CHRNB2: variants seen among roughly 807,000 people sequenced by gnomAD.
CHRNB2 encodes neuronal acetylcholine receptor subunit beta-2.
Under a neutral mutation model 42.7 loss-of-function variants are expected in CHRNB2, and 33 were observed. The ratio of observed to expected loss-of-function variants is 0.77; its 90% CI spans 0.59 to 1.03. The LOEUF (loss-of-function observed/expected upper bound fraction) is 1.03. Among genes scored for constraint, CHRNB2 ranks in the 50% least tolerant of loss-of-function variants. CHRNB2 has a pLI of 0.00. For synonymous variants in CHRNB2, 325 were observed against 292.9 expected, an observed-to-expected ratio of 1.11 and a Z score of -1.12; for missense variants, 603 against 700.9, an observed-to-expected ratio of 0.86 and a Z score of 1.58.
rs1160352089 is a variant in CHRNB2, at chr1:154,571,382, C to T, written c.559C>T (p.Leu187=). 1 of 1,614,220 alleles carries T rather than the reference C, an allele frequency of 6.2e-7. No homozygotes were observed. Among genetic ancestry groups the T allele is most frequent in the South Asian group, 1.1e-5 (1 of 91,086 alleles). ...CGACCGCACAGAGATCGACTTGGTG[C>T]TGAAGAGTGAGGTGGCCAGCCTGGA... ...TYDRTEIDLV[L]KSEVASLDDF... Residue 187 remains leucine, a synonymous_variant, in exon 5 of 6, where the codon CTG becomes TTG. Transcript: ENST00000368476. The surrounding 1 kb of genome is among the most constrained non-coding windows in gnomAD (Gnocchi z 6.8).
rs1278331586 is a variant in CHRNB2, at chr1:154,571,750, C to A, written c.927C>A (p.Thr309=). 1.2e-6 allele frequency: 2 copies of A among 1,614,112 alleles called. No homozygotes were observed. The highest frequency in any genetic ancestry group is 1.3e-5 in the African/African-American group (1 of 74,946). ...TCATGTTCACCATGGTGCTTGTCACCTTCTCCATCGTCACCAGCGTGTGCG... is the reference window on the plus strand; with the variant it reads ...TCATGTTCACCATGGTGCTTGTCACATTCTCCATCGTCACCAGCGTGTGCG... ...KYLMFTMVLV[T]FSIVTSVCVL... The change falls in exon 5 of 6, where the codon ACC becomes ACA. Residue 309 remains threonine (T), a synonymous_variant. Transcript: ENST00000368476. This position sits in a 1 kb window ranked among gnomAD's most constrained non-coding sequence, Gnocchi z 6.8.
intron 2 of CHRNB2, 73 bp downstream of exon 2, chr1:154,569,680 C>T: frequency 6.2e-7 from 1 of 1,612,438 alleles, no homozygotes; most frequent in Non-Finnish European, 8.5e-7. Context: ...TGCTTGTGTG[C>T]TTCCTCCCCT....
In CHRNB2 at chr1:154,569,470, G is replaced by A; in HGVS notation, c.73G>A (p.Gly25Ser). Residue 25 changes from glycine (G) to serine (S), a missense_variant, in exon 2 of 6, where the codon GGT becomes AGT. By Grantham distance (56) the Gly-to-Ser change is moderately conservative (BLOSUM62 0). This residue lies in a region of CHRNB2 where 333 missense variants were observed against 452.6 expected (regional missense o/e 0.74). Coordinates refer to ENST00000368476, the MANE Select transcript of CHRNB2 (RefSeq NM_000748.3). ...GCCTTTCCCCTGCCCAGGGGTGTGG[G>A]GTACGGATACAGAGGAGCGGCTGGT... ...GLLRLCSGVWGTDTEERLVEH... is the reference protein window; with the variant it reads ...GLLRLCSGVWSTDTEERLVEH... 1 of 1,613,796 alleles carries A rather than the reference G, an allele frequency of 6.2e-7. No homozygotes were observed. The highest frequency in any genetic ancestry group is 8.5e-7 in the Non-Finnish European group (1 of 1,179,954).
rs2101522050 is a variant in CHRNB2 at position 154,571,931 on chromosome 1, C to G, written c.1108C>G (p.Arg370Gly). Residue 370 changes from arginine to glycine, a missense_variant, in exon 5 of 6, where the codon CGC becomes GGC. Physicochemically the swap from Arg to Gly is moderately radical, Grantham distance 125 (BLOSUM62 -2). Coordinates refer to ENST00000368476, the MANE Select transcript of CHRNB2 (RefSeq NM_000748.3). The surrounding 1 kb of genome is among the most constrained non-coding windows in gnomAD (Gnocchi z 6.8). ...GCGCCTGCGGCGACGCCAGCGTGAG[C>G]GCGAGGGCGCTGGAGCCCTCTTCTT... is the stretch of plus-strand genomic sequence containing the variant. ...RLRLRRRQRE[R>G]EGAGALFFRE... The G allele has an allele frequency of 6.4e-7, 1 of 1,555,200 alleles. No homozygotes were observed. Among genetic ancestry groups the G allele is most frequent in the South Asian group, 1.2e-5 (1 of 86,018 alleles).
chr1:154,569,909 C>G, intron 3 of CHRNB2, 73 bp downstream of exon 3: 2 of 1,555,852 alleles, frequency 1.3e-6, no homozygotes, highest in Non-Finnish European at 1.8e-6. Context: ...GTGCTTTTTT[C>G]TTTCTTAATC....
In CHRNB2 at chr1:154,571,926, G is replaced by T. The variant is rs202114705; in HGVS notation, c.1103G>T (p.Arg368Leu). ...CGCCTGCGCCTGCGGCGACGCCAGC[G>T]TGAGCGCGAGGGCGCTGGAGCCCTC... Reference protein sequence around the residue: ...RQRLRLRRRQREREGAGALFF... With the variant: ...RQRLRLRRRQLEREGAGALFF... The change falls in exon 5 of 6, where the codon CGT becomes CTT. Residue 368 changes from arginine to leucine, a missense_variant. Physicochemically the swap from Arg to Leu is moderately radical, Grantham distance 102 (BLOSUM62 -2). This residue lies in a region of CHRNB2 where 270 missense variants were observed against 248.3 expected (regional missense o/e 1.09). Transcript: ENST00000368476. The surrounding 1 kb of genome is among the most constrained non-coding windows in gnomAD (Gnocchi z 6.8). 3.5e-5 allele frequency: 55 copies of T among 1,559,622 alleles called. No homozygotes were observed. The highest frequency in any genetic ancestry group is 4.1e-5 in the Non-Finnish European group (47 of 1,157,556).
At chr1:154,573,840 C>T (rs755802550) in intron 5 of CHRNB2, among the ~76,000 whole-genome samples, 3 of 152,202 alleles carry the variant, frequency 2.0e-5, no homozygotes, top group Admixed American at 6.5e-5. Flanking sequence ...TCTCCGCCTC[C>T]GGGGTTCAAG....
At chr1:154,573,965 G>A (rs1696223063) in intron 5 of CHRNB2, among the ~76,000 whole-genome samples, 1 of 152,004 alleles carries the variant, frequency 6.6e-6, no homozygotes, top group African/African-American at 2.4e-5. Context: ...GGCCAGGCTG[G>A]TCTCAAACCC....
At chr1:154,570,813 A>G (rs556701398) in intron 4 of CHRNB2, among the ~76,000 whole-genome samples, 13 of 152,114 alleles carry the variant, frequency 8.5e-5, no homozygotes, top group African/African-American at 3.1e-4. Flanking sequence ...GTCCCCTTCC[A>G]TTGCTTGGGG....
Position 154,569,484 on chromosome 1 carries a change from G to A in CHRNB2, c.87G>A (p.Glu29=), listed in dbSNP as rs765659821. ...LCSGVWGTDT[E]ERLVEHLLDP... ...CAGGGGTGTGGGGTACGGATACAGA[G>A]GAGCGGCTGGTGGAGCATCTCCTGG... Residue 29 remains glutamate (E), a synonymous_variant, in exon 2 of 6, where the codon GAG becomes GAA. Coordinates refer to ENST00000368476, the MANE Select transcript of CHRNB2 (RefSeq NM_000748.3). The A allele has an allele frequency of 1.2e-6, 2 of 1,613,938 alleles. No homozygotes were observed. The highest frequency in any genetic ancestry group is 3.3e-5 in the Admixed American group (2 of 60,014).
At chr1:154,570,122 C>T (rs1460429548) in intron 3 of CHRNB2, 136 bp from the exon 4 acceptor site, 2 of 731,352 alleles carry the variant, frequency 2.7e-6, no homozygotes, top group South Asian at 1.5e-5. Context: ...ACCTGATGGG[C>T]AGAGAAGTCA....
In CHRNB2 at chr1:154,575,973, C is replaced by G. The variant is rs201199916; in HGVS notation, c.*41C>G. ...CCATGCTCTTTCACCCTGCCACCCT[C>G]TGCTGCACAGTAGTGTTGGGTGGAG... On this transcript the variant is annotated 3_prime_UTR_variant, in exon 6 of 6. Transcript: ENST00000368476. 33 of 1,611,428 alleles carry G rather than the reference C, an allele frequency of 2.0e-5. No individual in the cohort carries two copies. The South Asian group carries it at 3.2e-4, about 16-fold the overall frequency.
Position 154,567,954 on chromosome 1 carries a change from T to C in CHRNB2, c.-91T>C. ...GGACCCAGCTCCAGGCGGGCGCGGC[T>C]TCAGCACCACGGACAGCGCCCCACC... is the stretch of plus-strand genomic sequence containing the variant. On this transcript the variant is annotated 5_prime_UTR_variant, in exon 1 of 6. Transcript: ENST00000368476. 2 of 1,262,954 alleles carry C rather than the reference T, an allele frequency of 1.6e-6. No individual in the cohort carries two copies. Among genetic ancestry groups the C allele is most frequent in the Non-Finnish European group, 2.1e-6 (2 of 969,192 alleles). The allele number at this position is 1,262,954 out of a possible 1,614,324, so 78.2% of individuals were successfully genotyped here. A position where few individuals can be genotyped will look rare whatever the true frequency, so the allele number is the denominator to read the frequency against.
In CHRNB2 at chr1:154,576,430, G is replaced by A. The variant is rs1330347866; in HGVS notation, c.*498G>A. On this transcript the variant is annotated 3_prime_UTR_variant, in exon 6 of 6. Coordinates refer to ENST00000368476, the MANE Select transcript of CHRNB2 (RefSeq NM_000748.3). ...TGACCTGACACCTGCCGCTGCTTGA[G>A]TGGACAGCAGCTGGACTGGGTGGGC... is the stretch of plus-strand genomic sequence containing the variant. 4.0e-6 allele frequency: 1 copy of A among 249,014 alleles called. No individual in the cohort carries two copies. The highest frequency in any genetic ancestry group is 8.0e-6 in the Non-Finnish European group (1 of 125,046). The allele number at this position is 249,014 out of a possible 1,614,324, so 15.4% of individuals were successfully genotyped here.
At chr1:154,575,438 C>T (rs917108565) in intron 5 of CHRNB2, among the ~76,000 whole-genome samples, 13 of 152,086 alleles carry the variant, frequency 8.5e-5, no homozygotes, top group African/African-American at 3.1e-4. Flanking sequence ...GATTTCCAGA[C>T]ACAAAGGAAA....
At chr1:154,572,984 C>G (rs561781859) in intron 5 of CHRNB2, among the ~76,000 whole-genome samples, 3 of 152,308 alleles carry the variant, frequency 2.0e-5, no homozygotes, top group Non-Finnish European at 4.4e-5. Context: ...CTCTGGCTAC[C>G]TGGCTGGTTC....
Position 154,568,125 on chromosome 1 carries a change from C to T in CHRNB2, c.64+17C>T, listed in dbSNP as rs1437639996. The stretch of plus-strand genomic sequence containing the variant: ...TGTGCTCAGGTAAGGGAAAGACGGG[C>T]ACTGGCCAGGTTCTCCTACCCCAGC... On this transcript the variant is annotated intron_variant, in intron 1 of 5. Transcript: ENST00000368476. 1 of 1,593,994 alleles carries T rather than the reference C, an allele frequency of 6.3e-7. No homozygotes were observed. Among genetic ancestry groups the T allele is most frequent in the Non-Finnish European group, 8.5e-7 (1 of 1,171,032 alleles).
chr1:154,572,514 GTC>G (rs548058653), intron 5 of CHRNB2, among the ~76,000 whole-genome samples: 9 of 152,214 alleles, frequency 5.9e-5, no homozygotes, highest in Admixed American at 3.9e-4. Flanking sequence ...GACCCCGAGA[GTC>G]CCTCCCCACC....
rs1571018633 is a variant in CHRNB2, at chr1:154,567,802, A to G, written c.-243A>G. 4.6e-6 allele frequency: 2 copies of G among 436,254 alleles called. No individual in the cohort carries two copies. The highest frequency in any genetic ancestry group is 4.0e-6 in the Non-Finnish European group (1 of 249,896). The allele number at this position is 436,254 out of a possible 1,614,324, so 27.0% of individuals were successfully genotyped here. A position where few individuals can be genotyped will look rare whatever the true frequency, so the allele number is the denominator to read the frequency against. Reference sequence around the variant, plus strand: ...CAGACTCCTCCCCCTCACCGTCCCAATTGTATTCCCTGGAAGAGCAGCCGG... The same window carrying G: ...CAGACTCCTCCCCCTCACCGTCCCAGTTGTATTCCCTGGAAGAGCAGCCGG... On this transcript the variant is annotated 5_prime_UTR_variant, in exon 1 of 6. Transcript: ENST00000368476.
Sources: allele counts gnomAD v4.1 joint callset (sites outside exome capture counted in the v4.1 genomes callset), GRCh38; gene constraint gnomAD v4.1.1; regional missense constraint gnomAD v4.1.1; non-coding constraint Gnocchi (gnomAD v3.1); transcripts MANE v1.5; gene names NCBI Gene and HGNC (gene_info 2026-07-23, HGNC 2026-07-21).